The following BRIP1 variants were observed in gnomAD, a reference collection of about 807,000 sequenced individuals.
BRIP1 encodes BRCA1 interacting DNA helicase 1, also known as Fanconi anemia group J protein.
BRIP1 carries 88 observed loss-of-function variants against 119.7 expected under a neutral mutation model. That is an observed-to-expected ratio of 0.74 (90% CI 0.62 to 0.88). The LOEUF is 0.88. Ranked by LOEUF, BRIP1 falls within the 40% of genes least tolerant of loss-of-function variation. BRIP1 has a pLI of 0.00. For missense variants in BRIP1, 1,259 were observed against 1,455.4 expected (o/e 0.87, Z 2.20); for synonymous variants, 443 against 496.5 (o/e 0.89, Z 1.43).
rs1440973905 is a variant in BRIP1 at position 61,844,070 on chromosome 17, C to G, written c.627+3031G>C. ...TCCTGAGTAGCTAGGACTACAAGTA[C>G]ACACCACCACACACAGCTATTTTTT... On this transcript the variant is annotated intron_variant, in intron 6 of 19. Coordinates refer to ENST00000259008, the MANE Select transcript of BRIP1 (RefSeq NM_032043.3). The surrounding 1 kb of genome is among the most constrained non-coding windows in gnomAD (Gnocchi z 4.7). Among the ~76,000 whole-genome samples the G allele has an allele frequency of 6.6e-6, 1 of 151,854 alleles. No homozygotes were observed. Among genetic ancestry groups the G allele is most frequent in the African/African-American group, 2.4e-5 (1 of 41,356 alleles).
Position 61,713,987 on chromosome 17 carries a change from G to A in BRIP1, c.2492+1964C>T, listed in dbSNP as rs553243924. Among the ~76,000 whole-genome samples, 23 of 151,818 alleles carry A rather than the reference G, an allele frequency of 1.5e-4. No individual in the cohort carries two copies. The highest frequency in any genetic ancestry group is 4.4e-5 in the Non-Finnish European group (3 of 67,968). ...AAAGAGTCAAAAAGGTAAAAAAAAA[G>A]ATAAAAAGATAAAAAGTTTATAAAG... is the stretch of plus-strand genomic sequence containing the variant. On this transcript the variant is annotated intron_variant, in intron 17 of 19. Coordinates refer to ENST00000259008, the MANE Select transcript of BRIP1 (RefSeq NM_032043.3). This position sits in a 1 kb window ranked among gnomAD's most constrained non-coding sequence, Gnocchi z 4.9.
At chr17:61,801,600 C>G (rs1041122045) in intron 7 of BRIP1, 126 bp from the exon 8 acceptor site, 7 of 848,628 alleles carry the variant, frequency 8.2e-6, no homozygotes, top group Non-Finnish European at 1.3e-5. Flanking sequence ...GGCTACGCCA[C>G]CACACCTGGC....
At position 61,732,006 on chromosome 17, in the gene BRIP1, G is replaced by C. The variant is rs575231214; in HGVS notation, c.2379+11007C>G. Among the ~76,000 whole-genome samples the C allele has an allele frequency of 1.5e-4, 10 of 68,246 alleles. No individual in the cohort carries two copies. In the South Asian group the frequency reaches 6.1e-3, roughly 41 times the overall value. 44.8% of individuals were successfully genotyped at this position (68,246 alleles called of 152,430 possible). A position where few individuals can be genotyped will look rare whatever the true frequency, so the allele number is the denominator to read the frequency against. ...CTTTTTTTTTTTTTTTTTTTTTTGA[G>C]ACAGAGTCTCTGTCACCCAGGCTGG... is the stretch of plus-strand genomic sequence containing the variant. On this transcript the variant is annotated intron_variant, in intron 16 of 19. Coordinates refer to ENST00000259008, the MANE Select transcript of BRIP1 (RefSeq NM_032043.3).
chr17:61,737,890 T>C (rs2076939598), intron 16 of BRIP1, among the ~76,000 whole-genome samples: 1 of 152,186 alleles, frequency 6.6e-6, no homozygotes, highest in Non-Finnish European at 1.5e-5. Flanking sequence ...CGGTAGAAAT[T>C]ATCCCTTTTC....
rs2078054333 is a variant in BRIP1, at chr17:61,805,030, TATA to T, written c.918+3434_918+3436del. Among the ~76,000 whole-genome samples the T allele has an allele frequency of 6.6e-6, 1 of 151,386 alleles. No homozygotes were observed. Among genetic ancestry groups the T allele is most frequent in the African/African-American group, 2.4e-5 (1 of 41,184 alleles). ...ATTAAATTGTATTTGTATACGTCTG[TATA>T]ATAAATTAAATTGTATATATATACA... On this transcript the variant is annotated intron_variant, in intron 7 of 19. Transcript: ENST00000259008. The surrounding 1 kb of genome is among the most constrained non-coding windows in gnomAD (Gnocchi z 5.6).
intron 6 of BRIP1, among the ~76,000 whole-genome samples, chr17:61,820,931 C>A (rs1028562940): frequency 1.4e-5 from 2 of 143,002 alleles, no homozygotes; most frequent in African/African-American, 5.4e-5. Flanking sequence ...GCCTGGGCAA[C>A]GAAGCGAGAC....
intron 14 of BRIP1, among the ~76,000 whole-genome samples, chr17:61,766,030 T>C (rs1187773707): frequency 3.3e-5 from 5 of 152,144 alleles, no homozygotes; most frequent in Admixed American, 6.6e-5. Flanking sequence ...AACATAAATA[T>C]AGGTATACCA....
rs1446915032 is a variant in BRIP1, at chr17:61,714,136, C to T, written c.2492+1815G>A. Among the ~76,000 whole-genome samples the T allele has an allele frequency of 4.6e-5, 7 of 151,990 alleles. No individual in the cohort carries two copies. The East Asian group carries it at 1.4e-3, about 29-fold the overall frequency. On this transcript the variant is annotated intron_variant, in intron 17 of 19. Transcript: ENST00000259008. ...GACCAGCCTGGGCAACATAGCCATA[C>T]CTCATCTCTCAAAAAGAAAAAGTCA...
Position 61,746,705 on chromosome 17 carries a change from GTA to G in BRIP1, c.2098-2116_2098-2115del, listed in dbSNP as rs1449128117. 6.6e-6 allele frequency among the ~76,000 whole-genome samples: 1 copy of G among 152,104 alleles called. No individual in the cohort carries two copies. The highest frequency in any genetic ancestry group is 1.9e-4 in the East Asian group (1 of 5,188). Reference sequence around the variant, plus strand: ...CAAATATAGCAAGCAAATAGTGATTGTACTGAAGAGAGAAATAAACAGCAATA... The same window carrying G: ...CAAATATAGCAAGCAAATAGTGATTGCTGAAGAGAGAAATAAACAGCAATA... On this transcript the variant is annotated intron_variant, in intron 14 of 19. Transcript: ENST00000259008. This position sits in a 1 kb window ranked among gnomAD's most constrained non-coding sequence, Gnocchi z 4.9.
At chr17:61,787,438 CTATATAT>C (rs2077747053) in intron 10 of BRIP1, among the ~76,000 whole-genome samples, 1 of 121,280 alleles carries the variant, frequency 8.2e-6, no homozygotes, top group African/African-American at 3.3e-5. Context: ...AATATATATA[CTATATAT>C]TATATATAAA....
At chr17:61,781,189 TC>T (rs1295950050) in intron 11 of BRIP1, among the ~76,000 whole-genome samples, 184 bp from the exon 12 acceptor site, 7 of 152,228 alleles carry the variant, frequency 4.6e-5, no homozygotes, top group Non-Finnish European at 8.8e-5. Flanking sequence ...AAGCCATTAA[TC>T]ATAGAATCAA....
chr17:61,765,384 TATATATATATATATATA>T (rs2077342791), intron 14 of BRIP1, among the ~76,000 whole-genome samples: 2 of 21,974 alleles, frequency 9.1e-5, no homozygotes, highest in African/African-American at 3.6e-4. Flanking sequence ...ATATATTATA[TATATATATATATATATA>T]TATATATATA....
chr17:61,828,176 G>A lies in BRIP1; in HGVS notation c.627+18925C>T, dbSNP rs1005169719. ...CCCAGATGTCCACTGGCAGATGAAC[G>A]GACAAACAAAATGTGGTATATCCAT... is the stretch of plus-strand genomic sequence containing the variant. On this transcript the variant is annotated intron_variant, in intron 6 of 19. Coordinates refer to ENST00000259008, the MANE Select transcript of BRIP1 (RefSeq NM_032043.3). The surrounding 1 kb of genome is among the most constrained non-coding windows in gnomAD (Gnocchi z 4.1). 3.3e-5 allele frequency among the ~76,000 whole-genome samples: 5 copies of A among 152,248 alleles called. No individual in the cohort carries two copies. Among genetic ancestry groups the A allele is most frequent in the Non-Finnish European group, 5.9e-5 (4 of 68,018 alleles).
Position 61,729,505 on chromosome 17 carries a change from AAT to A in BRIP1, c.2380-13444_2380-13443del, listed in dbSNP as rs1457254512. 1.4e-4 allele frequency among the ~76,000 whole-genome samples: 21 copies of A among 151,980 alleles called. No individual in the cohort carries two copies. In the East Asian group the frequency reaches 4.1e-3, roughly 29 times the overall value. On this transcript the variant is annotated intron_variant, in intron 16 of 19. Transcript: ENST00000259008. This position sits in a 1 kb window ranked among gnomAD's most constrained non-coding sequence, Gnocchi z 5.6. The stretch of plus-strand genomic sequence containing the variant: ...AATAGTTCATGTCTAAAACTGATTA[AAT>A]AAAGATAAAATATGGAGGTAAATAC...
rs2061806113 is a variant in BRIP1, at chr17:61,713,192, A to G, written c.2492+2759T>C. 6.6e-6 allele frequency among the ~76,000 whole-genome samples: 1 copy of G among 152,242 alleles called. No individual in the cohort carries two copies. Among genetic ancestry groups the G allele is most frequent in the Non-Finnish European group, 1.5e-5 (1 of 68,048 alleles). On this transcript the variant is annotated intron_variant, in intron 17 of 19. Transcript: ENST00000259008. The surrounding 1 kb of genome is among the most constrained non-coding windows in gnomAD (Gnocchi z 4.9). Reference sequence around the variant, plus strand: ...TGTGCTGCTAGTCTTATAAAAGTATAGCACATACAATTATGTATGGTATAT... The same window carrying G: ...TGTGCTGCTAGTCTTATAAAAGTATGGCACATACAATTATGTATGGTATAT...
In BRIP1 at chr17:61,816,303, A is replaced by G. The variant is rs931216242; in HGVS notation, c.628-7546T>C. Among the ~76,000 whole-genome samples the G allele has an allele frequency of 6.6e-6, 1 of 152,238 alleles. No homozygotes were observed. The highest frequency in any genetic ancestry group is 1.5e-5 in the Non-Finnish European group (1 of 68,046). Reference sequence around the variant, plus strand: ...CCATCGCTGTAAATTAGCCTGCTCTAAAGTTCAGACTCTGATTGTAACAGA... The same window carrying G: ...CCATCGCTGTAAATTAGCCTGCTCTGAAGTTCAGACTCTGATTGTAACAGA... On this transcript the variant is annotated intron_variant, in intron 6 of 19. Coordinates refer to ENST00000259008, the MANE Select transcript of BRIP1 (RefSeq NM_032043.3). This position sits in a 1 kb window ranked among gnomAD's most constrained non-coding sequence, Gnocchi z 5.0.
chr17:61,747,497 TTA>T lies in BRIP1; in HGVS notation c.2098-2908_2098-2907del, dbSNP rs1385637503. Reference sequence around the variant, plus strand: ...TACAATAAAAGACTACTCTGAAAAATTATATGCCAATAAATTGGATAAAATAG... The same window carrying T: ...TACAATAAAAGACTACTCTGAAAAATTATGCCAATAAATTGGATAAAATAG... On this transcript the variant is annotated intron_variant, in intron 14 of 19. Transcript: ENST00000259008. Among the ~76,000 whole-genome samples the T allele has an allele frequency of 4.0e-5, 6 of 148,426 alleles. No individual in the cohort carries two copies. In the South Asian group the frequency reaches 6.5e-4, roughly 16 times the overall value.
Position 61,713,430 on chromosome 17 carries a change from T to G in BRIP1, c.2492+2521A>C, listed in dbSNP as rs1469650556. ...ATGTTATTTATTGGTCCTGAAGACC[T>G]TCCAGTGATTCAAGACATGGAGGTA... is the stretch of plus-strand genomic sequence containing the variant. On this transcript the variant is annotated intron_variant, in intron 17 of 19. Transcript: ENST00000259008. The surrounding 1 kb of genome is among the most constrained non-coding windows in gnomAD (Gnocchi z 4.9). Among the ~76,000 whole-genome samples, 1 of 152,160 alleles carries G rather than the reference T, an allele frequency of 6.6e-6. No individual in the cohort carries two copies. Among genetic ancestry groups the G allele is most frequent in the African/African-American group, 2.4e-5 (1 of 41,440 alleles).
chr17:61,735,638 AC>A lies in BRIP1; in HGVS notation c.2379+7374del, dbSNP rs1163321838. Among the ~76,000 whole-genome samples the A allele has an allele frequency of 3.9e-4, 59 of 151,774 alleles. No homozygotes were observed. The highest frequency in any genetic ancestry group is 1.4e-3 in the African/African-American group (56 of 41,364). ...ATCCTGCCTCTACAAAAAAAAAAAA[AC>A]CACGTTTAAAAATTAGCTGGGTGTG... On this transcript the variant is annotated intron_variant, in intron 16 of 19. Transcript: ENST00000259008. The surrounding 1 kb of genome is among the most constrained non-coding windows in gnomAD (Gnocchi z 4.4).
Sources: allele counts gnomAD v4.1 joint callset (sites outside exome capture counted in the v4.1 genomes callset), GRCh38; gene constraint gnomAD v4.1.1; non-coding constraint Gnocchi (gnomAD v3.1); transcripts MANE v1.5; gene names NCBI Gene and HGNC (gene_info 2026-07-23, HGNC 2026-07-21).